Variants in LRRC20 observed in about 807,000 individuals in gnomAD.
LRRC20 encodes the protein leucine rich repeat containing 20.
In LRRC20, 11 loss-of-function variants were observed where a neutral mutation model predicts 14.4. The observed-to-expected ratio is 0.77, with a 90% CI of 0.48 to 1.27. The LOEUF is 1.27. Among genes scored for constraint, LRRC20 ranks in the 50% most tolerant of loss-of-function variants. The pLI is 0.00. For synonymous variants in LRRC20, 121 were observed against 107.3 expected (o/e 1.13, Z -0.79); for missense variants, 219 against 251.2 (o/e 0.87, Z 0.87).
At chr10:70,303,699 G>A (rs537459164) in intron 4 of LRRC20, among the ~76,000 whole-genome samples, 2 of 152,298 alleles carry the variant, frequency 1.3e-5, no homozygotes, top group East Asian at 3.9e-4. Flanking sequence ...TATAACTGAA[G>A]ACGCAGCACA....
intron 1 of LRRC20, among the ~76,000 whole-genome samples, chr10:70,377,509 GCTCA>G (rs1407198726): frequency 6.6e-6 from 1 of 152,126 alleles, no homozygotes; most frequent in East Asian, 1.9e-4. Flanking sequence ...CATAGCCAGT[GCTCA>G]CTTTTTTATA....
chr10:70,342,025 G>A (rs1011236291), intron 2 of LRRC20, among the ~76,000 whole-genome samples: 9 of 152,052 alleles, frequency 5.9e-5, no homozygotes, highest in African/African-American at 1.9e-4. Flanking sequence ...TGGGCGGGGC[G>A]CAGTGGCTCA....
At chr10:70,340,324 ACC>A (rs1842867571) in intron 3 of LRRC20, among the ~76,000 whole-genome samples, 1 of 152,052 alleles carries the variant, frequency 6.6e-6, no homozygotes, top group East Asian at 1.9e-4. Flanking sequence ...CAGGAACCAC[ACC>A]CTTGATCCTT....
At chr10:70,325,382 T>A (rs1842279413) in intron 3 of LRRC20, among the ~76,000 whole-genome samples, 1 of 152,020 alleles carries the variant, frequency 6.6e-6, no homozygotes, top group South Asian at 2.1e-4. Flanking sequence ...GGCCTCCCCC[T>A]CCCATCCCTG....
intron 4 of LRRC20, among the ~76,000 whole-genome samples, chr10:70,322,908 C>A (rs1842145942): frequency 6.6e-6 from 1 of 151,804 alleles, no homozygotes; most frequent in Non-Finnish European, 1.5e-5. Flanking sequence ...GGCACTCGCA[C>A]CACAGGAGGC....
chr10:70,306,527 C>T (rs1451509428), intron 4 of LRRC20, among the ~76,000 whole-genome samples: 1 of 152,206 alleles, frequency 6.6e-6, no homozygotes, highest in African/African-American at 2.4e-5. Context: ...GACTTCGCAT[C>T]CTCAGCTGAA....
chr10:70,300,409 G>T lies in LRRC20; in HGVS notation c.*945C>A. On this transcript the variant is annotated 3_prime_UTR_variant, in exon 5 of 5. Coordinates refer to ENST00000446961, the MANE Select transcript of LRRC20 (RefSeq NM_001278212.2). Reference sequence around the variant, plus strand: ...GAACCAGGTCATCAGGGCTTTGGGCGTTGGCCTGGGAGCTGGCTGGCTACA... The same window carrying T: ...GAACCAGGTCATCAGGGCTTTGGGCTTTGGCCTGGGAGCTGGCTGGCTACA... 1.0e-6 allele frequency: 1 copy of T among 985,530 alleles called. No homozygotes were observed. The highest frequency in any genetic ancestry group is 1.2e-6 in the Non-Finnish European group (1 of 830,016). 61.0% of individuals were successfully genotyped at this position (985,530 alleles called of 1,614,324 possible).
In LRRC20 at chr10:70,304,500, ATATATATT is replaced by A. The variant is rs1279207403; in HGVS notation, c.401-3000_401-2993del. Among the ~76,000 whole-genome samples the A allele has an allele frequency of 6.7e-4, 81 of 121,038 alleles. 1 individual carries two copies. The highest frequency in any genetic ancestry group is 2.5e-3 in the African/African-American group (78 of 30,882). The allele number at this position is 121,038 out of a possible 152,430, so 79.4% of individuals were successfully genotyped here. ...TATATATATATATATATATATATAT[ATATATATT>A]TTACTAAGCACCAATAACAATCTTT... On this transcript the variant is annotated intron_variant, in intron 4 of 4. Coordinates refer to ENST00000446961, the MANE Select transcript of LRRC20 (RefSeq NM_001278212.2).
At chr10:70,326,255 AC>A (rs1313369617) in intron 3 of LRRC20, among the ~76,000 whole-genome samples, 3 of 150,866 alleles carry the variant, frequency 2.0e-5, no homozygotes, top group African/African-American at 7.3e-5. Flanking sequence ...AGGTATCCCT[AC>A]AGTGAAAACT....
chr10:70,301,486 G>T lies in LRRC20; in HGVS notation c.423C>A (p.Ala141=). ...EIVDVPVEKL[A]AMPALRSINL... ...TGATGCTGCGCAAGGCTGGCATGGC[G>T]GCCAGCTTCTCCACGGGCACATCTA... The change falls in exon 5 of 5, where the codon GCC becomes GCA. Residue 141 remains alanine, a synonymous_variant. Transcript: ENST00000446961. 1 of 1,614,048 alleles carries T rather than the reference G, an allele frequency of 6.2e-7. No individual in the cohort carries two copies.
At chr10:70,366,599 C>A (rs892673495) in intron 2 of LRRC20, among the ~76,000 whole-genome samples, 2 of 151,810 alleles carry the variant, frequency 1.3e-5, no homozygotes, top group African/African-American at 4.8e-5. Flanking sequence ...AAAAAACATA[C>A]CGAGTGTTGA....
At chr10:70,324,668 A>T (rs1842250548) in intron 3 of LRRC20, among the ~76,000 whole-genome samples, 1 of 152,072 alleles carries the variant, frequency 6.6e-6, no homozygotes, top group East Asian at 1.9e-4. Flanking sequence ...GTACCAAGAG[A>T]TGGGGCCAGA....
intron 2 of LRRC20, among the ~76,000 whole-genome samples, chr10:70,371,088 T>C (rs1164461860): frequency 1.3e-5 from 2 of 152,156 alleles, no homozygotes; most frequent in African/African-American, 4.8e-5. Context: ...AATCAGATTT[T>C]TTTTTTCAGT....
chr10:70,329,844 C>G (rs554974493), intron 3 of LRRC20, among the ~76,000 whole-genome samples: 1 of 152,180 alleles, frequency 6.6e-6, no homozygotes, highest in Non-Finnish European at 1.5e-5. Context: ...GGATTACAGG[C>G]GTGAGCCACC....
At chr10:70,332,070 C>T (rs753675568) in intron 3 of LRRC20, among the ~76,000 whole-genome samples, 107 of 152,192 alleles carry the variant, frequency 7.0e-4, no homozygotes, top group Non-Finnish European at 9.8e-4. Flanking sequence ...ATCAGCACCT[C>T]GGCTCTGAAC....
At chr10:70,340,411 C>T (rs1842869746) in intron 3 of LRRC20, 142 bp downstream of exon 3, 5 of 953,344 alleles carry the variant, frequency 5.2e-6, no homozygotes, top group Non-Finnish European at 7.9e-6. Flanking sequence ...AACACAGGTC[C>T]ATTTTCAAAG....
In LRRC20 at chr10:70,300,810, G is replaced by A. The variant is rs1175829021; in HGVS notation, c.*544C>T. ...TAGTTCAGGTTCCCACCAGTCCAGG[G>A]ACCACAGGACTGAAGACTGGGCCCT... On this transcript the variant is annotated 3_prime_UTR_variant, in exon 5 of 5. Transcript: ENST00000446961. 1.0e-5 allele frequency: 10 copies of A among 985,722 alleles called. No homozygotes were observed. Among genetic ancestry groups the A allele is most frequent in the Non-Finnish European group, 1.2e-5 (10 of 830,182 alleles). The allele number at this position is 985,722 out of a possible 1,614,324, so 61.1% of individuals were successfully genotyped here.
chr10:70,322,847 C>A (rs1184473873), intron 4 of LRRC20, among the ~76,000 whole-genome samples: 2 of 152,000 alleles, frequency 1.3e-5, no homozygotes, highest in Non-Finnish European at 2.9e-5. Context: ...GCTGGTCCCA[C>A]CTCCCACCCA....
At chr10:70,309,174 G>A (rs776278891) in intron 4 of LRRC20, among the ~76,000 whole-genome samples, 17 of 152,072 alleles carry the variant, frequency 1.1e-4, no homozygotes, top group South Asian at 6.2e-4. Context: ...AAGACCCCTC[G>A]CACTTGGCTT....
Sources: allele counts gnomAD v4.1 joint callset (sites outside exome capture counted in the v4.1 genomes callset), GRCh38; gene constraint gnomAD v4.1.1; transcripts MANE v1.5; gene names NCBI Gene and HGNC (gene_info 2026-07-23, HGNC 2026-07-21).